The following VCAN variants were observed in gnomAD, a reference collection of about 807,000 sequenced individuals.
VCAN encodes versican core protein.
VCAN carries 44 observed loss-of-function variants against 245.5 expected under a neutral mutation model. The ratio of observed to expected loss-of-function variants is 0.18; its 90% CI spans 0.14 to 0.23. VCAN has a LOEUF of 0.23. Ranked by LOEUF, VCAN falls within the 10% of genes least tolerant of loss-of-function variation. The pLI, the probability that VCAN is intolerant of heterozygous loss-of-function variation, is 1.00. For synonymous variants in VCAN, 1,413 were observed against 1,437.0 expected, an observed-to-expected ratio of 0.98 and a Z score of 0.38; for missense variants, 3,793 against 4,057.9, an observed-to-expected ratio of 0.93 and a Z score of 1.77.
chr5:83,564,499 G>T (rs893457470), intron 12 of VCAN, among the ~76,000 whole-genome samples: 1 of 152,148 alleles, frequency 6.6e-6, no homozygotes, highest in Admixed American at 6.5e-5. Flanking sequence ...TTTTTCAAAT[G>T]CAGCATGAAG....
intron 5 of VCAN, among the ~76,000 whole-genome samples, chr5:83,501,823 A>G (rs1477715618): frequency 6.6e-6 from 1 of 152,174 alleles, no homozygotes; most frequent in Non-Finnish European, 1.5e-5. Context: ...ATTTCTGCAA[A>G]GAAGCCAGCT....
chr5:83,527,269 A>T (rs547250343), intron 7 of VCAN, among the ~76,000 whole-genome samples: 2 of 151,814 alleles, frequency 1.3e-5, no homozygotes, highest in African/African-American at 4.8e-5. Context: ...GTAGTACGTT[A>T]TTCTGCAGTT....
intron 5 of VCAN, among the ~76,000 whole-genome samples, chr5:83,503,607 A>G (rs960430499): frequency 1.3e-5 from 2 of 152,244 alleles, no homozygotes; most frequent in African/African-American, 4.8e-5. Context: ...TTTTCAGACC[A>G]AACAGTGCAG....
intron 7 of VCAN, among the ~76,000 whole-genome samples, chr5:83,531,125 T>C (rs1746504638): frequency 6.6e-6 from 1 of 152,180 alleles, no homozygotes; most frequent in Non-Finnish European, 1.5e-5. Context: ...ATAAATAATG[T>C]AAGTATTAAA....
At chr5:83,555,417 T>C (rs1435413702) in intron 12 of VCAN, among the ~76,000 whole-genome samples, 1 of 152,224 alleles carries the variant, frequency 6.6e-6, no homozygotes, top group Non-Finnish European at 1.5e-5. Context: ...CCGTCTTAAA[T>C]AATTCACTGG....
At chr5:83,565,023 G>C (rs552097693) in intron 12 of VCAN, among the ~76,000 whole-genome samples, 2 of 152,164 alleles carry the variant, frequency 1.3e-5, no homozygotes, top group Non-Finnish European at 2.9e-5. Flanking sequence ...TAGATAGAGA[G>C]AGAGAGTTGG....
At position 83,520,119 on chromosome 5, in the gene VCAN, A is replaced by G. The variant is rs1372636399; in HGVS notation, c.1813A>G (p.Thr605Ala). 6.2e-7 allele frequency: 1 copy of G among 1,614,030 alleles called. No homozygotes were observed. The highest frequency in any genetic ancestry group is 1.3e-5 in the African/African-American group (1 of 75,040). ...CTTGGAGTCAGTCTCAGCATCCACA[A>G]CTGTTTCCCCTTTAATTATGCCTGA... ...EDLESVSAST[T>A]VSPLIMPDNN... The change falls in exon 7 of 15, where the codon ACT (threonine) becomes GCT (alanine). Residue 605 changes from threonine (T) to alanine (A), a missense_variant. Transcript: ENST00000265077.
intron 12 of VCAN, among the ~76,000 whole-genome samples, chr5:83,571,244 G>A: frequency 6.6e-6 from 1 of 152,076 alleles, no homozygotes; most frequent in East Asian, 1.9e-4. Flanking sequence ...CTTATTTATA[G>A]GCCAATATTA....
Position 83,539,012 on chromosome 5 carries a change from G to A in VCAN, c.6009G>A (p.Glu2003=). 10 of 1,614,028 alleles carry A rather than the reference G, an allele frequency of 6.2e-6. No individual in the cohort carries two copies. Among genetic ancestry groups the A allele is most frequent in the Non-Finnish European group, 8.5e-6 (10 of 1,179,960 alleles). ...MVSTSAFPWE[E]FTSSAEGSGE... The stretch of plus-strand genomic sequence containing the variant: ...GCACTTCAGCCTTCCCCTGGGAAGA[G>A]TTTACATCCTCAGCTGAGGGCTCAG... The change falls in exon 8 of 15, where the codon GAG becomes GAA. Residue 2003 remains glutamate, a synonymous_variant. Transcript: ENST00000265077.
At chr5:83,476,920 G>A (rs1057080832) in intron 1 of VCAN, among the ~76,000 whole-genome samples, 1 of 152,100 alleles carries the variant, frequency 6.6e-6, no homozygotes, top group Admixed American at 6.5e-5. Flanking sequence ...AGGATTTTAA[G>A]AGGTGTTTAT....
At chr5:83,497,420 A>G (rs910837614) in intron 5 of VCAN, among the ~76,000 whole-genome samples, 1 of 152,176 alleles carries the variant, frequency 6.6e-6, no homozygotes, top group Non-Finnish European at 1.5e-5. Flanking sequence ...GGTGATTATA[A>G]CAGTTATGCA....
intron 3 of VCAN, among the ~76,000 whole-genome samples, chr5:83,491,527 C>CT (rs766200759): frequency 6.6e-6 from 1 of 151,972 alleles, no homozygotes; most frequent in Non-Finnish European, 1.5e-5. Context: ...TTCTTCTAAC[C>CT]TTTTTATCAT....
At position 83,519,549 on chromosome 5, in the gene VCAN, A is replaced by G. The variant is rs141268824; in HGVS notation, c.1243A>G (p.Ile415Val). The G allele has an allele frequency of 2.5e-4, 399 of 1,614,176 alleles. 2 individuals are homozygous for G. The African/African-American group carries it at 4.8e-3, about 19-fold the overall frequency. ...GAAAGCCACAGTCCAACCTCAGGCT[A>G]TCACAGATAGTTTAGCCACCAAATT... is the stretch of plus-strand genomic sequence containing the variant. ...EQKATVQPQA[I>V]TDSLATKLPT... Residue 415 changes from isoleucine (I) to valine (V), a missense_variant, in exon 7 of 15, where the codon ATC (isoleucine) becomes GTC (valine). Transcript: ENST00000265077.
In VCAN at chr5:83,490,160, C is replaced by T. The variant is rs371177155; in HGVS notation, c.133C>T (p.His45Tyr). The T allele has an allele frequency of 2.0e-5, 32 of 1,614,158 alleles. No individual in the cohort carries two copies. The East Asian group carries it at 3.3e-4, about 17-fold the overall frequency. ...CTCTGGAAAAGTCAGCCTACCTTGT[C>T]ATTTTTCAACGATGCCTACTTTGCC... is the stretch of plus-strand genomic sequence containing the variant. ...SLSGKVSLPCHFSTMPTLPPS... is the reference protein window; with the variant it reads ...SLSGKVSLPCYFSTMPTLPPS... Residue 45 changes from histidine to tyrosine, a missense_variant, in exon 3 of 15, where the codon CAT becomes TAT. His to Tyr is a moderately conservative substitution (Grantham distance 83). This residue lies in a region of VCAN where 179 missense variants were observed against 169.7 expected (regional missense o/e 1.05). Transcript: ENST00000265077.
intron 1 of VCAN, among the ~76,000 whole-genome samples, chr5:83,475,222 G>A (rs1744345199): frequency 6.6e-6 from 1 of 152,192 alleles, no homozygotes; most frequent in African/African-American, 2.4e-5. Context: ...GGGACTGGAA[G>A]CTCAGCACCT....
chr5:83,550,048 AC>A (rs1747400685), intron 10 of VCAN, among the ~76,000 whole-genome samples: 1 of 152,214 alleles, frequency 6.6e-6, no homozygotes, highest in Non-Finnish European at 1.5e-5. Flanking sequence ...AATTACAGAT[AC>A]AAAATCTAGA....
At chr5:83,572,615 T>C in intron 13 of VCAN, 55 bp downstream of exon 13, 2 of 1,607,016 alleles carry the variant, frequency 1.2e-6, no homozygotes, top group Non-Finnish European at 1.7e-6. Context: ...ATTATAAAGA[T>C]AATTCAGGAA....
chr5:83,499,883 T>C (rs1745278220), intron 5 of VCAN, among the ~76,000 whole-genome samples: 2 of 152,222 alleles, frequency 1.3e-5, no homozygotes, highest in Admixed American at 1.3e-4. Context: ...AAACAACTTT[T>C]CCATTTTTGT....
chr5:83,532,319 AT>A (rs898017174), intron 7 of VCAN, among the ~76,000 whole-genome samples: 1 of 152,006 alleles, frequency 6.6e-6, no homozygotes, highest in Non-Finnish European at 1.5e-5. Flanking sequence ...GGCAAGTAGG[AT>A]TTGGTGAGAT....
Sources: allele counts gnomAD v4.1 joint callset (sites outside exome capture counted in the v4.1 genomes callset), GRCh38; gene constraint gnomAD v4.1.1; regional missense constraint gnomAD v4.1.1; transcripts MANE v1.5; gene names NCBI Gene and HGNC (gene_info 2026-07-23, HGNC 2026-07-21).